The following DZIP1 variants were observed in gnomAD, a reference collection of about 807,000 sequenced individuals.
DZIP1 encodes the protein cilium assembly protein DZIP1.
DZIP1 carries 97 observed loss-of-function variants against 107.6 expected under a neutral mutation model. The observed-to-expected ratio is 0.90, with a 90% CI of 0.77 to 1.07. DZIP1 has a LOEUF of 1.07. Among genes scored for constraint, DZIP1 ranks in the 50% least tolerant of loss-of-function variants. The pLI is 0.00. For missense variants in DZIP1, 1,035 were observed against 1,063.6 expected (o/e 0.97, Z 0.37); for synonymous variants, 390 against 386.4 (o/e 1.01, Z -0.11).
At position 95,641,948 on chromosome 13, in the gene DZIP1, C is replaced by T. The variant is rs1389048270; in HGVS notation, c.36+46G>A. The T allele has an allele frequency of 2.6e-6, 4 of 1,550,606 alleles. No individual in the cohort carries two copies. The East Asian group carries it at 7.6e-5, about 29-fold the overall frequency. On this transcript the variant is annotated intron_variant, in intron 4 of 22. Transcript: ENST00000376829. This position sits in a 1 kb window ranked among gnomAD's most constrained non-coding sequence, Gnocchi z 4.3. The stretch of plus-strand genomic sequence containing the variant: ...GGTCCGGGGAAGCCCCGGTTCTCCC[C>T]AGCCCGGCATCCCCGTCGGGGGCGC...
At position 95,582,056 on chromosome 13, in the gene DZIP1, T is replaced by A. The variant is rs2044021773; in HGVS notation, c.*178A>T. The A allele has an allele frequency of 1.8e-6, 1 of 571,080 alleles. No homozygotes were observed. Among genetic ancestry groups the A allele is most frequent in the Non-Finnish European group, 3.1e-6 (1 of 322,480 alleles). 35.4% of individuals were successfully genotyped at this position (571,080 alleles called of 1,614,324 possible). ...ACATGCTTCGAAATACTGTTGATGA[T>A]CTGATTTTCAATACTGTATTGGGTG... On this transcript the variant is annotated 3_prime_UTR_variant, in exon 23 of 23. Coordinates refer to ENST00000376829, the MANE Select transcript of DZIP1 (RefSeq NM_198968.4).
At position 95,640,459 on chromosome 13, in the gene DZIP1, G is replaced by A. The variant is rs912822907; in HGVS notation, c.597+836C>T. 1.3e-4 allele frequency among the ~76,000 whole-genome samples: 20 copies of A among 152,088 alleles called. No homozygotes were observed. The East Asian group carries it at 3.1e-3, about 23-fold the overall frequency. On this transcript the variant is annotated intron_variant, in intron 5 of 22. Transcript: ENST00000376829. ...GAGGCCTTTTAAGCCATAGTCAGCC[G>A]AAAGGACTAGAAAGTAAGGGCATGA... is the stretch of plus-strand genomic sequence containing the variant.
chr13:95,604,872 T>C (rs1349758032), intron 14 of DZIP1, among the ~76,000 whole-genome samples: 1 of 152,210 alleles, frequency 6.6e-6, no homozygotes, highest in Non-Finnish European at 1.5e-5. Flanking sequence ...TACAGAATGA[T>C]TGCTAGATAC....
At chr13:95,633,421 G>C (rs1443390281) in intron 5 of DZIP1, 100 bp from the exon 6 acceptor site, 1 of 982,508 alleles carries the variant, frequency 1.0e-6, no homozygotes, top group Admixed American at 2.0e-5. Context: ...TGTGGCTCAC[G>C]CCTGTAATCC....
intron 10 of DZIP1, among the ~76,000 whole-genome samples, chr13:95,613,931 G>A (rs1191989180): frequency 3.3e-5 from 5 of 152,016 alleles, no homozygotes; most frequent in South Asian, 4.1e-4. Flanking sequence ...GGAGTTCAGC[G>A]TGGGCAATGC....
At chr13:95,595,367 TTAAA>T (rs2044418265) in intron 15 of DZIP1, among the ~76,000 whole-genome samples, 2 of 98,660 alleles carry the variant, frequency 2.0e-5, no homozygotes, top group Admixed American at 1.1e-4. Context: ...TTTGTGTACA[TTAAA>T]TAGAAGAACA....
At chr13:95,596,779 TG>T (rs1373963299) in intron 15 of DZIP1, among the ~76,000 whole-genome samples, 1 of 152,254 alleles carries the variant, frequency 6.6e-6, no homozygotes, top group African/African-American at 2.4e-5. Flanking sequence ...GAAATATGCA[TG>T]AATTACTTCT....
rs2045031092 is a variant in DZIP1, at chr13:95,612,135, CATCT to C, written c.1212_1215del (p.Ile404MetfsTer3). The C allele has an allele frequency of 6.2e-7, 1 of 1,613,120 alleles. No individual in the cohort carries two copies. Among genetic ancestry groups the C allele is most frequent in the Admixed American group, 1.7e-5 (1 of 59,984 alleles). ...TAGAAAACATTGCTTGCATTTAGAT[CATCT>C]ATCATTGAGGTTCGAAGTTTCTCTA... On this transcript the variant is annotated frameshift_variant, in exon 11 of 23. Transcript: ENST00000376829. LOFTEE classifies it high-confidence loss of function.
rs141054110 is a variant in DZIP1 at position 95,592,563 on chromosome 13, G to A, written c.1680+1381C>T. Among the ~76,000 whole-genome samples, 738 of 152,254 alleles carry A rather than the reference G, an allele frequency of 4.8e-3. 1 individual carries two copies. Among genetic ancestry groups the A allele is most frequent in the Middle Eastern group, 0.027 (8 of 294 alleles). ...CAGTGTGAGTTGGTACAAGGACTTTGGAAAACTATTTGGCAACAGCTACTG... is the reference window on the plus strand; with the variant it reads ...CAGTGTGAGTTGGTACAAGGACTTTAGAAAACTATTTGGCAACAGCTACTG... On this transcript the variant is annotated intron_variant, in intron 16 of 22. Coordinates refer to ENST00000376829, the MANE Select transcript of DZIP1 (RefSeq NM_198968.4).
intron 14 of DZIP1, among the ~76,000 whole-genome samples, chr13:95,601,445 A>G (rs1370131871): frequency 2.0e-5 from 3 of 152,116 alleles, no homozygotes; most frequent in Non-Finnish European, 4.4e-5. Flanking sequence ...AATCCTTGTC[A>G]GTTTCCTGCC....
At chr13:95,629,707 T>A (rs939761823) in intron 7 of DZIP1, among the ~76,000 whole-genome samples, 1 of 152,222 alleles carries the variant, frequency 6.6e-6, no homozygotes, top group African/African-American at 2.4e-5. Flanking sequence ...CCAGTGAGAA[T>A]GAGAAGTGTC....
intron 7 of DZIP1, among the ~76,000 whole-genome samples, chr13:95,627,924 T>C (rs1040233125): frequency 1.3e-5 from 2 of 152,210 alleles, no homozygotes; most frequent in African/African-American, 4.8e-5. Context: ...AAATTGTCTA[T>C]GCATACCTAC....
In DZIP1 at chr13:95,578,263, T is replaced by C. The variant is rs901376961; in HGVS notation, c.*3971A>G. On this transcript the variant is annotated 3_prime_UTR_variant, in exon 23 of 23. Transcript: ENST00000376829. ...ATTTGTAAAATGTTTTCTACATTTA[T>C]ATAGAACATGAAAAGCATTTAGTAC... 3 of 296,624 alleles carry C rather than the reference T, an allele frequency of 1.0e-5. No individual in the cohort carries two copies. Among genetic ancestry groups the C allele is most frequent in the South Asian group, 6.1e-5 (1 of 16,488 alleles). The allele number at this position is 296,624 out of a possible 1,614,324, so 18.4% of individuals were successfully genotyped here. A position where few individuals can be genotyped will look rare whatever the true frequency, so the allele number is the denominator to read the frequency against.
intron 10 of DZIP1, 89 bp downstream of exon 10, chr13:95,619,796 A>T: frequency 1.5e-6 from 2 of 1,324,128 alleles, no homozygotes; most frequent in South Asian, 1.3e-5. Flanking sequence ...AAATGTTATT[A>T]AGTGGACAAA....
At chr13:95,621,628 T>C (rs943840484) in intron 9 of DZIP1, among the ~76,000 whole-genome samples, 1 of 151,070 alleles carries the variant, frequency 6.6e-6, no homozygotes, top group Non-Finnish European at 1.5e-5. Flanking sequence ...GTGATTATGT[T>C]TGATAAATGT....
intron 6 of DZIP1, among the ~76,000 whole-genome samples, chr13:95,631,223 AG>A (rs1321080733): frequency 6.6e-6 from 1 of 152,134 alleles, no homozygotes; most frequent in Non-Finnish European, 1.5e-5. Flanking sequence ...TGGTAGTCCA[AG>A]GGGGATGAAT....
chr13:95,630,240 C>A, intron 6 of DZIP1, 127 bp from the exon 7 acceptor site: 1 of 1,217,622 alleles, frequency 8.2e-7, no homozygotes, highest in Non-Finnish European at 1.1e-6. Flanking sequence ...TTACTTGTTT[C>A]ATGCCACATG....
At chr13:95,603,135 C>G (rs528328181) in intron 14 of DZIP1, among the ~76,000 whole-genome samples, 1 of 151,730 alleles carries the variant, frequency 6.6e-6, no homozygotes, top group Non-Finnish European at 1.5e-5. Flanking sequence ...GCCTGGGCAA[C>G]ATAATGAAAT....
At chr13:95,622,878 G>A (rs1022834547) in intron 8 of DZIP1, among the ~76,000 whole-genome samples, 3 of 151,938 alleles carry the variant, frequency 2.0e-5, no homozygotes, top group Non-Finnish European at 4.4e-5. Flanking sequence ...AGGTAGCTGG[G>A]ACTACAGGCG....
Sources: gnomAD v4.1 joint callset for allele counts (sites outside exome capture counted in the v4.1 genomes callset) on GRCh38, gnomAD v4.1.1 for gene constraint, Gnocchi (gnomAD v3.1) non-coding constraint, MANE v1.5 for transcripts, NCBI Gene and HGNC (gene_info 2026-07-23, HGNC 2026-07-21) for gene names.